MAST4: variants seen among roughly 807,000 people sequenced by gnomAD.
MAST4 encodes the protein microtubule associated serine/threonine kinase family member 4.
MAST4 carries 89 observed loss-of-function variants against 162.7 expected under a neutral mutation model. That is an observed-to-expected ratio of 0.55 (90% CI 0.46 to 0.65). The LOEUF (loss-of-function observed/expected upper bound fraction) is 0.65. Ranked by LOEUF, MAST4 falls within the 30% of genes least tolerant of loss-of-function variation. MAST4 has a pLI of 0.00. For missense variants in MAST4, 3,153 were observed against 3,374.0 expected (o/e 0.93, Z 1.62); for synonymous variants, 1,479 against 1,361.1 (o/e 1.09, Z -1.91).
intron 1 of MAST4, among the ~76,000 whole-genome samples, chr5:66,749,699 C>G (rs1753014010): frequency 6.6e-6 from 1 of 152,204 alleles, no homozygotes; most frequent in African/African-American, 2.4e-5. Context: ...TGTCTTCATC[C>G]TTACTGCCAC....
intron 4 of MAST4, chr5:66,917,252 A>T: frequency 4.4e-6 from 2 of 454,886 alleles, no homozygotes; most frequent in Non-Finnish European, 7.9e-6. Context: ...TCTTTTCTTC[A>T]CTTCATGCTT....
intron 2 of MAST4, among the ~76,000 whole-genome samples, chr5:66,777,114 G>A (rs118083240): frequency 2.0e-5 from 3 of 152,260 alleles, no homozygotes; most frequent in East Asian, 3.9e-4. Context: ...GTATTTATCC[G>A]GGACTCTCTA....
At chr5:66,605,737 G>A (rs542147461) in intron 1 of MAST4, among the ~76,000 whole-genome samples, 44 of 152,198 alleles carry the variant, frequency 2.9e-4, no homozygotes, top group African/African-American at 8.2e-4. Context: ...GGTGATTGTT[G>A]GGTTCTCGCC....
At chr5:67,070,379 T>G (rs957600370) in intron 5 of MAST4, among the ~76,000 whole-genome samples, 1 of 152,202 alleles carries the variant, frequency 6.6e-6, no homozygotes, top group African/African-American at 2.4e-5. Context: ...TGAGGGATGT[T>G]CATTTCTTCT....
rs1487079898 is a variant in MAST4, at chr5:67,145,047, T to A, written c.2859-97T>A. The A allele has an allele frequency of 3.6e-6, 4 of 1,110,130 alleles. No individual in the cohort carries two copies. In the African/African-American group the frequency reaches 4.7e-5, roughly 13 times the overall value. 68.8% of individuals were successfully genotyped at this position (1,110,130 alleles called of 1,614,324 possible). ...TGCACTAGACATCTCTTGGTTAGGCTTATCCAAGTCCGATTTTCACCTGGT... is the reference window on the plus strand; with the variant it reads ...TGCACTAGACATCTCTTGGTTAGGCATATCCAAGTCCGATTTTCACCTGGT... On this transcript the variant is annotated intron_variant, in intron 22 of 28. Coordinates refer to ENST00000403625, the MANE Select transcript of MAST4 (RefSeq NM_001164664.2).
intron 4 of MAST4, among the ~76,000 whole-genome samples, chr5:66,926,647 T>C (rs1229598914): frequency 3.3e-5 from 5 of 151,958 alleles, no homozygotes; most frequent in Admixed American, 1.3e-4. Context: ...TATATATGTG[T>C]ATATGTATAT....
Position 66,695,314 on chromosome 5 carries a change from C to T in MAST4, c.364-64395C>T, listed in dbSNP as rs116587319. Reference sequence around the variant, plus strand: ...TGTTTTTGTCAGGTTTGCCGAAGATCGGATGGTTGTAGATGTGTGGTCTTG... The same window carrying T: ...TGTTTTTGTCAGGTTTGCCGAAGATTGGATGGTTGTAGATGTGTGGTCTTG... On this transcript the variant is annotated intron_variant, in intron 1 of 28. Coordinates refer to ENST00000403625, the MANE Select transcript of MAST4 (RefSeq NM_001164664.2). 1.8e-3 allele frequency among the ~76,000 whole-genome samples: 280 copies of T among 152,276 alleles called. 2 individuals are homozygous for T. The highest frequency in any genetic ancestry group is 6.2e-3 in the African/African-American group (256 of 41,554).
chr5:66,908,410 A>C (rs1763526856), intron 4 of MAST4, among the ~76,000 whole-genome samples: 1 of 152,168 alleles, frequency 6.6e-6, no homozygotes, highest in Admixed American at 6.5e-5. Flanking sequence ...TGGGAATGCA[A>C]ATCAGAATCT....
intron 1 of MAST4, among the ~76,000 whole-genome samples, chr5:66,622,192 G>A (rs1337405846): frequency 6.6e-6 from 1 of 152,062 alleles, no homozygotes. Context: ...AAAGTGACTT[G>A]TGTAAAGATT....
intron 1 of MAST4, among the ~76,000 whole-genome samples, chr5:66,724,421 AT>A (rs1751394531): frequency 6.6e-6 from 1 of 152,132 alleles, no homozygotes; most frequent in African/African-American, 2.4e-5. Flanking sequence ...TGAGTTACGG[AT>A]TTTGATTTGG....
intron 4 of MAST4, among the ~76,000 whole-genome samples, chr5:67,006,220 C>T (rs891215228): frequency 7.9e-5 from 12 of 152,214 alleles, no homozygotes; most frequent in African/African-American, 2.7e-4. Context: ...AGACATCTGG[C>T]AGGTTTCAAA....
At chr5:66,770,507 C>A (rs1377648852) in intron 2 of MAST4, among the ~76,000 whole-genome samples, 7 of 152,182 alleles carry the variant, frequency 4.6e-5, no homozygotes. Flanking sequence ...GGTTCCCAGA[C>A]CCAGGTCACC....
intron 2 of MAST4, among the ~76,000 whole-genome samples, chr5:66,777,507 G>C (rs993635050): frequency 6.6e-6 from 1 of 152,154 alleles, no homozygotes; most frequent in African/African-American, 2.4e-5. Flanking sequence ...ATAGTAGTCA[G>C]GGTTTGATTT....
chr5:67,163,495 C>T lies in MAST4; in HGVS notation c.4316C>T (p.Pro1439Leu), dbSNP rs770083058. 7 of 1,612,946 alleles carry T rather than the reference C, an allele frequency of 4.3e-6. No individual in the cohort carries two copies. The highest frequency in any genetic ancestry group is 5.1e-6 in the Non-Finnish European group (6 of 1,179,648). Residue 1439 changes from proline (P) to leucine (L), a missense_variant, in exon 29 of 29, where the codon CCG becomes CTG. By Grantham distance (98) the Pro-to-Leu change is moderately conservative. Around this residue, in one of 7 missense-constraint regions of MAST4, gnomAD observed 619 missense variants for 744.2 expected, o/e 0.83. Coordinates refer to ENST00000403625, the MANE Select transcript of MAST4 (RefSeq NM_001164664.2). This position sits in a 1 kb window ranked among gnomAD's most constrained non-coding sequence, Gnocchi z 7.0. The part of the protein sequence containing the change: ...RPKSAEPPRS[P>L]LLKRVQSEEK... ...AAGAGTGCGGAGCCCCCCAGGTCCCCGCTGCTCAAGCGCGTGCAGTCCGAG... is the reference window on the plus strand; with the variant it reads ...AAGAGTGCGGAGCCCCCCAGGTCCCTGCTGCTCAAGCGCGTGCAGTCCGAG...
chr5:66,645,196 TA>T (rs1745749013), intron 1 of MAST4, among the ~76,000 whole-genome samples: 1 of 152,166 alleles, frequency 6.6e-6, no homozygotes, highest in Admixed American at 6.5e-5. Context: ...TTGCAGATGA[TA>T]AAACTAAGGC....
intron 4 of MAST4, among the ~76,000 whole-genome samples, chr5:67,023,835 T>TA (rs962883170): frequency 6.6e-6 from 1 of 152,080 alleles, no homozygotes; most frequent in African/African-American, 2.4e-5. Context: ...GGTTTTTTTT[T>TA]AAATTTTGTC....
intron 5 of MAST4, among the ~76,000 whole-genome samples, chr5:67,084,033 A>G (rs1171964844): frequency 6.6e-6 from 1 of 152,194 alleles, no homozygotes; most frequent in Non-Finnish European, 1.5e-5. Flanking sequence ...CACATCTCCA[A>G]GGGATTCCTG....
chr5:66,819,241 C>A (rs189158673), intron 3 of MAST4, among the ~76,000 whole-genome samples: 1 of 152,100 alleles, frequency 6.6e-6, no homozygotes, highest in African/African-American at 2.4e-5. Context: ...GAACATCTAG[C>A]CTTCTGCATT....
intron 23 of MAST4, 34 bp downstream of exon 23, chr5:67,145,413 TCAC>T (rs1441342019): frequency 1.3e-6 from 2 of 1,577,724 alleles, no homozygotes; most frequent in African/African-American, 2.7e-5. Context: ...GCTGTCCTCC[TCAC>T]CACACTAAGT....
Sources: gnomAD v4.1 joint callset for allele counts (sites outside exome capture counted in the v4.1 genomes callset) on GRCh38, gnomAD v4.1.1 for gene constraint, gnomAD v4.1.1 regional missense constraint, Gnocchi (gnomAD v3.1) non-coding constraint, MANE v1.5 for transcripts, NCBI Gene and HGNC (gene_info 2026-07-23, HGNC 2026-07-21) for gene names.